The following VTI1A variants were observed in gnomAD, a reference collection of about 807,000 sequenced individuals.
VTI1A encodes the protein vesicle transport through interaction with t-SNAREs 1A.
A neutral mutation model predicts 34.9 loss-of-function variants in VTI1A; 22 were observed. The ratio of observed to expected loss-of-function variants is 0.63; its 90% confidence interval spans 0.45 to 0.90. The LOEUF (loss-of-function observed/expected upper bound fraction) is 0.90. VTI1A is among the 40% of genes least tolerant of loss of function. VTI1A has a pLI of 0.00. For synonymous variants in VTI1A, 87 were observed against 97.3 expected (o/e 0.89, Z 0.62); for missense variants, 268 against 275.6 (o/e 0.97, Z 0.20).
intron 5 of VTI1A, among the ~76,000 whole-genome samples, chr10:112,664,680 C>T (rs1327956058): frequency 2.0e-5 from 3 of 152,122 alleles, no homozygotes; most frequent in African/African-American, 7.2e-5. Flanking sequence ...AACCCTTTTG[C>T]ACGTGTGTTT....
intron 7 of VTI1A, among the ~76,000 whole-genome samples, chr10:112,703,838 G>A (rs1288202101): frequency 2.0e-5 from 3 of 152,176 alleles, no homozygotes; most frequent in South Asian, 2.1e-4. Context: ...TCATTATTTA[G>A]GTAGCTAAAA....
At chr10:112,833,186 T>G in the VTI1A span, among the ~76,000 whole-genome samples, 2 of 152,002 alleles carry the variant, frequency 1.3e-5, no homozygotes, top group Non-Finnish European at 2.9e-5. Flanking sequence ...GGCTCTTTTG[T>G]CCTCTTCCTC....
chr10:112,472,997 A>C (rs767734032), intron 3 of VTI1A, among the ~76,000 whole-genome samples: 2 of 150,742 alleles, frequency 1.3e-5, no homozygotes, highest in African/African-American at 2.4e-5. Context: ...AAAAATCACC[A>C]GTAGCCCTAT....
intron 4 of VTI1A, among the ~76,000 whole-genome samples, chr10:112,531,114 T>TGC (rs142898727): frequency 3.5e-4 from 40 of 113,968 alleles, no homozygotes; most frequent in Middle Eastern, 5.1e-3. Context: ...CGTGCGCACG[T>TGC]GCGCGCGCGC....
intron 7 of VTI1A, among the ~76,000 whole-genome samples, chr10:112,697,950 T>C (rs969680711): frequency 6.6e-6 from 1 of 151,902 alleles, no homozygotes; most frequent in South Asian, 2.1e-4. Flanking sequence ...TAGCACATTC[T>C]GGGTTTTGTC....
At chr10:112,497,039 T>A (rs1180498947) in intron 3 of VTI1A, among the ~76,000 whole-genome samples, 1 of 152,106 alleles carries the variant, frequency 6.6e-6, no homozygotes, top group East Asian at 1.9e-4. Flanking sequence ...GATTTAGAGC[T>A]GGGTGCGGTG....
At chr10:112,665,198 A>G (rs1384615131) in intron 5 of VTI1A, among the ~76,000 whole-genome samples, 3 of 152,196 alleles carry the variant, frequency 2.0e-5, no homozygotes, top group African/African-American at 7.2e-5. Context: ...TAATTATTTA[A>G]TGAAATAATC....
chr10:112,784,786 T>C (rs1206525017), intron 7 of VTI1A, among the ~76,000 whole-genome samples: 1 of 152,232 alleles, frequency 6.6e-6, no homozygotes, highest in African/African-American at 2.4e-5. Context: ...TTTCTCCAAC[T>C]GTTATGCTAG....
At chr10:112,758,334 A>G (rs1314724802) in intron 7 of VTI1A, among the ~76,000 whole-genome samples, 1 of 152,110 alleles carries the variant, frequency 6.6e-6, no homozygotes, top group African/African-American at 2.4e-5. Context: ...CAGGCCTGGC[A>G]ACCTCCACCA....
At chr10:112,632,092 G>A (rs919800301) in intron 5 of VTI1A, among the ~76,000 whole-genome samples, 3 of 152,132 alleles carry the variant, frequency 2.0e-5, no homozygotes, top group African/African-American at 7.2e-5. Context: ...TCCATCAGTT[G>A]GGGTAGTATT....
intron 5 of VTI1A, among the ~76,000 whole-genome samples, chr10:112,614,607 C>T (rs1180389795): frequency 6.6e-6 from 1 of 152,106 alleles, no homozygotes; most frequent in East Asian, 1.9e-4. Context: ...ATACATTATC[C>T]AAGAGAGCTC....
intron 7 of VTI1A, among the ~76,000 whole-genome samples, chr10:112,729,166 T>G (rs770934744): frequency 6.6e-6 from 1 of 152,186 alleles, no homozygotes; most frequent in Non-Finnish European, 1.5e-5. Flanking sequence ...GCCACAGCAC[T>G]GTCACTGAAA....
chr10:112,742,205 T>C (rs1035705319), intron 7 of VTI1A, among the ~76,000 whole-genome samples: 11 of 152,234 alleles, frequency 7.2e-5, no homozygotes, highest in Non-Finnish European at 2.9e-5. Flanking sequence ...AACTGGCACG[T>C]TAAGTTGATT....
chr10:112,797,326 G>A (rs936281832), intron 7 of VTI1A, among the ~76,000 whole-genome samples: 2 of 152,160 alleles, frequency 1.3e-5, no homozygotes, highest in South Asian at 2.1e-4. Context: ...AGGAAGGGCC[G>A]TGACCGTGGC....
chr10:112,622,874 G>A (rs1421747510), intron 5 of VTI1A, among the ~76,000 whole-genome samples: 2 of 152,220 alleles, frequency 1.3e-5, no homozygotes, highest in African/African-American at 4.8e-5. Context: ...CCAATTATGA[G>A]TATTCCAGTG....
intron 7 of VTI1A, among the ~76,000 whole-genome samples, chr10:112,779,292 C>T (rs1852043689): frequency 6.6e-6 from 1 of 152,166 alleles, no homozygotes. Context: ...CATGTATTTA[C>T]TAGACGCTAA....
the VTI1A span, among the ~76,000 whole-genome samples, chr10:112,837,000 T>G: frequency 6.6e-6 from 1 of 152,306 alleles, no homozygotes; most frequent in African/African-American, 2.4e-5. Flanking sequence ...GAGCCAATAG[T>G]GCAGGAGAAG....
At chr10:112,537,123 A>G (rs1174876080) in intron 4 of VTI1A, among the ~76,000 whole-genome samples, 1 of 151,602 alleles carries the variant, frequency 6.6e-6, no homozygotes, top group African/African-American at 2.4e-5. Flanking sequence ...CATTTCTCCA[A>G]TTTTAAATGA....
intron 7 of VTI1A, among the ~76,000 whole-genome samples, chr10:112,710,771 CTCAG>C (rs1849384338): frequency 6.6e-6 from 1 of 152,008 alleles, no homozygotes. Context: ...CCTCAGCTTT[CTCAG>C]TCAGTCTGCA....
Sources: gnomAD v4.1 joint callset for allele counts (sites outside exome capture counted in the v4.1 genomes callset) on GRCh38, gnomAD v4.1.1 for gene constraint, MANE v1.5 for transcripts, NCBI Gene and HGNC (gene_info 2026-07-23, HGNC 2026-07-21) for gene names.